The following ANKRD30A variants were observed in gnomAD, a reference collection of about 807,000 sequenced individuals.
The protein encoded by ANKRD30A is ankyrin repeat domain-containing protein 30A.
In ANKRD30A, 170 loss-of-function variants were observed where a neutral mutation model predicts 166.3. The observed-to-expected ratio is 1.02, with a 90% confidence interval of 0.90 to 1.16. The LOEUF is 1.16. Among genes scored for constraint, ANKRD30A ranks in the 50% most tolerant of loss-of-function variants. The pLI, the probability that ANKRD30A is intolerant of heterozygous loss-of-function variation, is 0.00. For missense variants in ANKRD30A, 1,630 were observed against 1,518.0 expected (o/e 1.07, Z -1.23); for synonymous variants, 564 against 508.9 (o/e 1.11, Z -1.46).
At chr10:37,232,697 T>TAGAGAGAGAGAGAGAG (rs5784546), downstream of ANKRD30A, 1 of 78,400 alleles carries the variant, frequency 1.3e-5, no homozygotes, top group African/African-American at 4.9e-5. Flanking sequence ...TATATATAAA[T>TAGAGAGAGAGAGAGAG]AGAGAGAGAG....
chr10:37,261,443 CT>C, the ANKRD30A span, among the ~76,000 whole-genome samples: 32 of 152,002 alleles, frequency 2.1e-4, 1 homozygote, highest in Admixed American at 2.1e-3. Context: ...ATATAGTTAT[CT>C]TTTTATTGAT....
At chr10:37,257,326 T>G in the ANKRD30A span, among the ~76,000 whole-genome samples, 1 of 137,628 alleles carries the variant, frequency 7.3e-6, no homozygotes, top group South Asian at 2.2e-4. Flanking sequence ...TCTCTTTTGT[T>G]AATCTTTTCA....
At position 37,158,374 on chromosome 10, in the gene ANKRD30A, A is replaced by G. The variant is rs1588824367; in HGVS notation, c.1799-18A>G. On this transcript the variant is annotated intron_variant, in intron 13 of 35. Transcript: ENST00000361713. ...CAGGCTTGCATATAATCAATTATGT[A>G]TGTCCCTTTTCTTATAGAGTCTCCT... 6.2e-7 allele frequency: 1 copy of G among 1,605,068 alleles called. No homozygotes were observed. The highest frequency in any genetic ancestry group is 2.2e-5 in the East Asian group (1 of 44,754).
chr10:37,211,483 A>G (rs1218738430), intron 31 of ANKRD30A, among the ~76,000 whole-genome samples: 3 of 152,274 alleles, frequency 2.0e-5, no homozygotes, highest in African/African-American at 4.8e-5. Context: ...TTATGGCTGC[A>G]TAGTATTCCA....
chr10:37,242,591 G>T, the ANKRD30A span, among the ~76,000 whole-genome samples: 1 of 152,080 alleles, frequency 6.6e-6, no homozygotes, highest in African/African-American at 2.4e-5. Context: ...TTGGAGAAAT[G>T]TTCAGCTTTT....
At position 37,193,259 on chromosome 10, in the gene ANKRD30A, G is replaced by A. The variant is rs1840753698; in HGVS notation, c.2614+1G>A. On this transcript the variant is annotated splice_donor_variant, in intron 27 of 35. Coordinates refer to ENST00000361713, the MANE Select transcript of ANKRD30A (RefSeq NM_052997.3). LOFTEE classifies it high-confidence loss of function. ...ATGGACATGCAAACTTTCAAAGCAG[G>A]TAAATTTTGTAATTTTAATTTTACT... 2 of 1,605,166 alleles carry A rather than the reference G, an allele frequency of 1.2e-6. No homozygotes were observed. The highest frequency in any genetic ancestry group is 2.2e-5 in the East Asian group (1 of 44,596).
At chr10:37,147,533 T>C (rs1837596192) in intron 9 of ANKRD30A, 76 bp downstream of exon 9, 1 of 937,494 alleles carries the variant, frequency 1.1e-6, no homozygotes, top group Non-Finnish European at 1.6e-6. Context: ...TATACTCTAA[T>C]AGCCAAATAA....
the ANKRD30A span, among the ~76,000 whole-genome samples, chr10:37,260,152 G>A: frequency 1.3e-5 from 2 of 151,348 alleles, no homozygotes; most frequent in Admixed American, 1.3e-4. Context: ...AAAAGAGAGA[G>A]AAAACTAAAA....
chr10:37,136,908 G>C (rs1305466496), intron 6 of ANKRD30A, among the ~76,000 whole-genome samples: 1 of 150,422 alleles, frequency 6.6e-6, no homozygotes, highest in Non-Finnish European at 1.5e-5. Flanking sequence ...TTAGTTGTAG[G>C]CAGTTTATAA....
intron 34 of ANKRD30A, among the ~76,000 whole-genome samples, chr10:37,222,668 T>C (rs1842951585): frequency 6.6e-6 from 1 of 151,370 alleles, no homozygotes; most frequent in Non-Finnish European, 1.5e-5. Flanking sequence ...TTCCTCATGC[T>C]GTTCCTCCAT....
chr10:37,228,223 T>C (rs1332648427), intron 34 of ANKRD30A, among the ~76,000 whole-genome samples: 1 of 152,052 alleles, frequency 6.6e-6, no homozygotes, highest in Non-Finnish European at 1.5e-5. Flanking sequence ...ATTAGTTGTT[T>C]GAATTTCAAA....
the ANKRD30A span, among the ~76,000 whole-genome samples, chr10:37,263,074 TATTTCAGCAGTCTCTTA>T: frequency 2.0e-5 from 3 of 152,194 alleles, no homozygotes; most frequent in Non-Finnish European, 4.4e-5. Context: ...TTCCATCATT[TATTTCAGCAGTCTCTTA>T]TTTTAGACAT....
At chr10:37,263,436 T>C in the ANKRD30A span, among the ~76,000 whole-genome samples, 1 of 151,834 alleles carries the variant, frequency 6.6e-6, no homozygotes, top group Non-Finnish European at 1.5e-5. Context: ...AAAATAATTA[T>C]ACAACTCACC....
rs961542481 is a variant in ANKRD30A at position 37,183,465 on chromosome 10, A to G, written c.2422-6002A>G. 8.8e-5 allele frequency among the ~76,000 whole-genome samples: 13 copies of G among 146,966 alleles called. 2 individuals are homozygous for G. ...ACAAATGGGCTCTTGTATATGAAAT[A>G]ATGTCTGAAGTTGCACCTCTGAGTC... On this transcript the variant is annotated intron_variant, in intron 24 of 35. Transcript: ENST00000361713.
At chr10:37,258,942 G>A in the ANKRD30A span, among the ~76,000 whole-genome samples, 1 of 110,472 alleles carries the variant, frequency 9.1e-6, no homozygotes, top group Non-Finnish European at 1.7e-5. Context: ...TAGCCTGGGT[G>A]ACAAAGTGAG....
intron 33 of ANKRD30A, among the ~76,000 whole-genome samples, chr10:37,218,506 T>A: frequency 6.6e-6 from 1 of 151,092 alleles, no homozygotes; most frequent in Admixed American, 6.6e-5. Flanking sequence ...AAATTAACTA[T>A]ATTTTTTAAA....
At position 37,219,411 on chromosome 10, in the gene ANKRD30A, A is replaced by G. The variant is rs1842768557; in HGVS notation, c.3699A>G (p.Arg1233=). 1 of 1,610,558 alleles carries G rather than the reference A, an allele frequency of 6.2e-7. No individual in the cohort carries two copies. Among genetic ancestry groups the G allele is most frequent in the Non-Finnish European group, 8.5e-7 (1 of 1,177,740 alleles). The change falls in exon 34 of 36, where the codon AGA becomes AGG. Residue 1233 remains arginine (R), a synonymous_variant. Coordinates refer to ENST00000361713, the MANE Select transcript of ANKRD30A (RefSeq NM_052997.3). ...FHIAGDACLQ[R]KMNVDVSSTI... ...TTGCAGGAGATGCTTGTTTGCAAAG[A>G]AAAATGAATGTTGATGTGAGTAGTA...
intron 9 of ANKRD30A, 119 bp from the exon 10 acceptor site, chr10:37,149,532 C>G: frequency 8.0e-7 from 1 of 1,256,882 alleles, no homozygotes; most frequent in African/African-American, 1.5e-5. Flanking sequence ...CTTTCCAAAT[C>G]TAAAGTATTC....
intron 24 of ANKRD30A, among the ~76,000 whole-genome samples, chr10:37,179,043 TATATATATATATATATATATAG>T (rs1182557405): frequency 7.8e-5 from 11 of 140,654 alleles, no homozygotes; most frequent in African/African-American, 2.6e-4. Flanking sequence ...TATATATATA[TATATATATATATATATATATAG>T]ATGTGTGCAT....
Sources: allele counts gnomAD v4.1 joint callset (sites outside exome capture counted in the v4.1 genomes callset), GRCh38; gene constraint gnomAD v4.1.1; transcripts MANE v1.5; gene names NCBI Gene and HGNC (gene_info 2026-07-23, HGNC 2026-07-21).